Variants in DMD observed in about 807,000 individuals in gnomAD.
DMD encodes dystrophin, also known as mutant dystrophin.
In DMD, 63 loss-of-function variants were observed where a neutral mutation model predicts 330.1. That is an observed-to-expected ratio of 0.19 (90% CI 0.16 to 0.24). The LOEUF (loss-of-function observed/expected upper bound fraction) is 0.24, where lower values mean the gene tolerates loss of function less well. DMD is among the 10% of genes least tolerant of loss of function. The probability of loss-of-function intolerance (pLI) is 1.00; values close to 1 mark genes in which losing one functional copy is unlikely to be tolerated. For missense variants in DMD, 3,344 were observed against 2,684.1 expected, an observed-to-expected ratio of 1.25 and a Z score of -5.43; for synonymous variants, 1,223 against 959.8, an observed-to-expected ratio of 1.27 and a Z score of -5.07.
chrX:31,732,996 A>G (rs2086621535), intron 51 of DMD, among the ~76,000 whole-genome samples: 1 of 111,577 alleles, frequency 9.0e-6, no homozygotes, highest in Non-Finnish European at 1.9e-5. Flanking sequence ...ATTCTAGAGG[A>G]AACAAAACAC....
chrX:31,238,371 G>T (rs1415100531), intron 63 of DMD, among the ~76,000 whole-genome samples: 1 of 111,832 alleles, frequency 8.9e-6, no homozygotes, highest in East Asian at 2.8e-4. Context: ...AAAACTACTT[G>T]AGGATAAACC....
chrX:32,832,179 A>G (rs1426649221), intron 4 of DMD, among the ~76,000 whole-genome samples: 1 of 111,427 alleles, frequency 9.0e-6, no homozygotes, highest in Non-Finnish European at 1.9e-5. Flanking sequence ...GATAAGGGTA[A>G]GCTACCTTTT....
chrX:31,380,979 C>T, intron 60 of DMD, among the ~76,000 whole-genome samples: 2 of 111,405 alleles, frequency 1.8e-5, no homozygotes, highest in Non-Finnish European at 3.8e-5. Context: ...CTGATCATGT[C>T]TGACTAATCT....
chrX:32,326,706 A>G (rs1485355304), intron 41 of DMD, among the ~76,000 whole-genome samples: 1 of 111,222 alleles, frequency 9.0e-6, no homozygotes, highest in Non-Finnish European at 1.9e-5. Context: ...GGAGTTCAAG[A>G]CAAGCCTGGA....
chrX:32,849,067 A>T (rs1012665657), intron 3 of DMD, among the ~76,000 whole-genome samples: 3 of 111,578 alleles, frequency 2.7e-5, no homozygotes, highest in Admixed American at 9.6e-5. Flanking sequence ...ATTTAGCAGA[A>T]TTTGATAGGT....
intron 1 of DMD, among the ~76,000 whole-genome samples, chrX:33,143,776 A>G (rs1375591862): frequency 8.9e-6 from 1 of 112,049 alleles, no homozygotes; most frequent in Admixed American, 9.6e-5. Context: ...TTTATTTTAT[A>G]TAGCGTTAAC....
At chrX:31,795,067 T>G (rs1436415609) in intron 50 of DMD, among the ~76,000 whole-genome samples, 3 of 111,672 alleles carry the variant, frequency 2.7e-5, no homozygotes, top group Non-Finnish European at 5.6e-5. Context: ...TTAAACAACT[T>G]CCATTCAAAG....
chrX:32,265,043 G>A (rs977926751), intron 43 of DMD, among the ~76,000 whole-genome samples: 6 of 112,427 alleles, frequency 5.3e-5, no homozygotes, highest in Non-Finnish European at 9.4e-5. Context: ...ATGTAACGAG[G>A]AGCCAAATGT....
At chrX:32,887,763 A>AAAAAC (rs1557117321) in intron 2 of DMD, among the ~76,000 whole-genome samples, 1 of 101,516 alleles carries the variant, frequency 9.9e-6, no homozygotes, top group Admixed American at 1.1e-4. Flanking sequence ...AAAAAAAAAA[A>AAAAAC]AAAAAAAAAA....
chrX:32,370,685 T>A (rs1396514738), intron 34 of DMD, among the ~76,000 whole-genome samples: 1 of 110,057 alleles, frequency 9.1e-6, no homozygotes, highest in Non-Finnish European at 1.9e-5. Flanking sequence ...CTCTGCTCAC[T>A]TTAAAAAAAA....
At chrX:32,931,754 A>G (rs767400448) in intron 2 of DMD, among the ~76,000 whole-genome samples, 3 of 111,912 alleles carry the variant, frequency 2.7e-5, no homozygotes, top group Non-Finnish European at 5.7e-5. Flanking sequence ...ACCAAATGCC[A>G]GCTAACTGAG....
At chrX:32,629,662 A>G (rs1460732405) in intron 11 of DMD, among the ~76,000 whole-genome samples, 2 of 110,400 alleles carry the variant, frequency 1.8e-5, no homozygotes, top group Non-Finnish European at 3.8e-5. Context: ...TATGTTATAC[A>G]TTCTTATTAA....
chrX:32,571,180 C>T (rs2052377372), intron 15 of DMD, among the ~76,000 whole-genome samples: 1 of 111,917 alleles, frequency 8.9e-6, no homozygotes, highest in African/African-American at 3.2e-5. Flanking sequence ...TATATCTTCG[C>T]TCCTAATCAG....
At chrX:32,491,584 C>G in intron 19 of DMD, 66 bp from the exon 20 acceptor site, 1 of 1,027,833 alleles carries the variant, frequency 9.7e-7, no homozygotes. Context: ...GATCTGAAAG[C>G]CAACACATCC....
At chrX:32,134,334 C>T (rs2096713958) in intron 44 of DMD, among the ~76,000 whole-genome samples, 1 of 111,155 alleles carries the variant, frequency 9.0e-6, no homozygotes, top group African/African-American at 3.3e-5. Context: ...GATGCTAAGT[C>T]CAGAACTTTC....
At chrX:31,913,885 C>CTTTG (rs1454395449) in intron 47 of DMD, among the ~76,000 whole-genome samples, 2 of 112,000 alleles carry the variant, frequency 1.8e-5, no homozygotes, top group Non-Finnish European at 3.8e-5. Flanking sequence ...GTGAGCTTTG[C>CTTTG]CTTCAAACCA....
chrX:32,255,520 T>C (rs1408840278), intron 43 of DMD, among the ~76,000 whole-genome samples: 1 of 112,000 alleles, frequency 8.9e-6, no homozygotes. Flanking sequence ...ACTATCTTGT[T>C]CCTTACAGAA....
intron 1 of DMD, among the ~76,000 whole-genome samples, chrX:33,084,003 C>T (rs766612711): frequency 3.6e-5 from 4 of 111,619 alleles, no homozygotes; most frequent in African/African-American, 6.5e-5. Flanking sequence ...CACCCCAAAA[C>T]GGAGCTACAG....
rs142118138 is a variant in DMD at position 32,193,800 on chromosome X, C to T, written c.6438+23116G>A. On this transcript the variant is annotated intron_variant, in intron 44 of 78. Coordinates refer to ENST00000357033, the MANE Select transcript of DMD (RefSeq NM_004006.3). ...TCCCAGGATCGCAGGAATTATATTA[C>T]ATAAGGTAAATACCTTTGCGTTGTG... Among the ~76,000 whole-genome samples the T allele has an allele frequency of 3.3e-3, 368 of 111,672 alleles. 2 individuals are homozygous for T. Among genetic ancestry groups the T allele is most frequent in the East Asian group, 0.027 (95 of 3,538 alleles).
Sources: gnomAD v4.1 joint callset for allele counts (sites outside exome capture counted in the v4.1 genomes callset) on GRCh38, gnomAD v4.1.1 for gene constraint, MANE v1.5 for transcripts, NCBI Gene and HGNC (gene_info 2026-07-23, HGNC 2026-07-21) for gene names.